NOX4: variants seen among roughly 807,000 people sequenced by gnomAD.
NOX4 encodes NADPH oxidase 4.
In NOX4, 69 loss-of-function variants were observed where a neutral mutation model predicts 87.6. That is an observed-to-expected ratio of 0.79 (90% CI 0.65 to 0.96). NOX4 has a LOEUF of 0.96. NOX4 is among the 40% of genes least tolerant of loss of function. The pLI is 0.00. For missense variants in NOX4, 680 were observed against 681.5 expected (o/e 1.00, Z 0.02); for synonymous variants, 275 against 238.2 (o/e 1.15, Z -1.42).
intron 12 of NOX4, among the ~76,000 whole-genome samples, chr11:89,372,318 G>C (rs1434167483): frequency 2.0e-5 from 3 of 151,816 alleles, no homozygotes; most frequent in African/African-American, 7.3e-5. Context: ...AAGTCCCTTG[G>C]TTACTCTAAT....
intron 13 of NOX4, among the ~76,000 whole-genome samples, chr11:89,346,563 G>A (rs1946223983): frequency 1.3e-5 from 1 of 74,692 alleles, no homozygotes; most frequent in Non-Finnish European, 2.3e-5. Context: ...ATGCAGGATG[G>A]GGTAACAAAG....
chr11:89,346,519 A>G (rs1250936337), intron 13 of NOX4, among the ~76,000 whole-genome samples: 1 of 150,184 alleles, frequency 6.7e-6, no homozygotes, highest in African/African-American at 2.5e-5. Context: ...CAAACATAAA[A>G]ACTAAAGAGT....
chr11:89,424,324 C>A (rs1186194378), intron 7 of NOX4, among the ~76,000 whole-genome samples: 2 of 150,374 alleles, frequency 1.3e-5, no homozygotes, highest in Non-Finnish European at 3.0e-5. Flanking sequence ...GGTGTTAACA[C>A]CAAATTTTTC....
the NOX4 span, among the ~76,000 whole-genome samples, chr11:89,573,869 C>T: frequency 1.3e-5 from 2 of 152,068 alleles, no homozygotes; most frequent in Non-Finnish European, 2.9e-5. Flanking sequence ...TGCGCAGTGC[C>T]CTCTTTACGC....
the NOX4 span, among the ~76,000 whole-genome samples, chr11:89,554,556 T>C: frequency 6.6e-6 from 1 of 152,118 alleles, no homozygotes; most frequent in Non-Finnish European, 1.5e-5. Flanking sequence ...TTTAGATATC[T>C]GTATCTAAAT....
the NOX4 span, among the ~76,000 whole-genome samples, chr11:89,556,624 C>T: frequency 1.3e-5 from 2 of 151,908 alleles, no homozygotes; most frequent in Non-Finnish European, 2.9e-5. Context: ...AGAAACATAC[C>T]CTAATTTGGG....
chr11:89,586,715 T>A, the NOX4 span, among the ~76,000 whole-genome samples: 5 of 152,258 alleles, frequency 3.3e-5, no homozygotes, highest in East Asian at 9.7e-4. Context: ...TAGGAGAGAA[T>A]GAACTTCCTT....
chr11:89,584,584 T>C, the NOX4 span, among the ~76,000 whole-genome samples: 1 of 152,180 alleles, frequency 6.6e-6, no homozygotes, highest in Non-Finnish European at 1.5e-5. Flanking sequence ...ACAGTTTGAA[T>C]GTCAGTTAAC....
In NOX4 at chr11:89,421,086, T is replaced by C. The variant is rs112445727; in HGVS notation, c.629+816A>G. On this transcript the variant is annotated intron_variant, in intron 8 of 17. Transcript: ENST00000263317. Reference sequence around the variant, plus strand: ...GGGGGTAAATGCTTCTGAGCAAATATAGGGATTTCTACTTAATAAGCACCT... The same window carrying C: ...GGGGGTAAATGCTTCTGAGCAAATACAGGGATTTCTACTTAATAAGCACCT... Among the ~76,000 whole-genome samples, 43 of 152,264 alleles carry C rather than the reference T, an allele frequency of 2.8e-4. 1 individual carries two copies. The highest frequency in any genetic ancestry group is 8.4e-4 in the African/African-American group (35 of 41,566).
the NOX4 span, among the ~76,000 whole-genome samples, chr11:89,528,417 A>G: frequency 5.9e-5 from 9 of 152,230 alleles, no homozygotes; most frequent in Non-Finnish European, 1.3e-4. Flanking sequence ...AGGAGGGGCC[A>G]GGAGCAGAAT....
At chr11:89,478,948 C>T (rs978400578) in intron 2 of NOX4, among the ~76,000 whole-genome samples, 3 of 151,440 alleles carry the variant, frequency 2.0e-5, no homozygotes, top group Non-Finnish European at 4.4e-5. Context: ...ATGATCATGC[C>T]TGTGAATAGC....
At chr11:89,475,758 G>A (rs1030196345) in intron 2 of NOX4, among the ~76,000 whole-genome samples, 10 of 151,874 alleles carry the variant, frequency 6.6e-5, no homozygotes, top group African/African-American at 2.2e-4. Context: ...AAATAAGAGG[G>A]GTTCCAAGTA....
the NOX4 span, among the ~76,000 whole-genome samples, chr11:89,555,085 T>A: frequency 6.6e-6 from 1 of 152,152 alleles, no homozygotes; most frequent in Non-Finnish European, 1.5e-5. Flanking sequence ...TTATAATAGT[T>A]TCCTGCCCCA....
chr11:89,491,398 G>A (rs536382639), upstream of NOX4: 60 of 685,112 alleles, frequency 8.8e-5, no homozygotes, highest in African/African-American at 7.3e-4. Context: ...GCCCGGCGCC[G>A]AGCCAGCCCG....
chr11:89,364,827 G>A (rs1938822336), intron 12 of NOX4, among the ~76,000 whole-genome samples: 1 of 152,050 alleles, frequency 6.6e-6, no homozygotes, highest in African/African-American at 2.4e-5. Context: ...ATAATGAACT[G>A]AGAAATTAGG....
At chr11:89,432,661 C>T (rs1027979777) in intron 7 of NOX4, 123 bp downstream of exon 7, 5 of 648,984 alleles carry the variant, frequency 7.7e-6, no homozygotes, top group South Asian at 4.1e-5. Flanking sequence ...CTATACTTCA[C>T]TCTTACTTAC....
At chr11:89,565,476 T>G in the NOX4 span, among the ~76,000 whole-genome samples, 1 of 152,070 alleles carries the variant, frequency 6.6e-6, no homozygotes, top group Non-Finnish European at 1.5e-5. Flanking sequence ...ACCTTATAAC[T>G]TTTTTCCTCT....
At chr11:89,331,878 T>G (rs1276301645) in intron 17 of NOX4, among the ~76,000 whole-genome samples, 1 of 151,886 alleles carries the variant, frequency 6.6e-6, no homozygotes, top group Admixed American at 6.6e-5. Flanking sequence ...GATTCCCTAA[T>G]GTCACTCTCA....
rs1419620929 is a variant in NOX4, at chr11:89,438,815, A to AT, written c.475+1872dup. Among the ~76,000 whole-genome samples the AT allele has an allele frequency of 7.4e-4, 3 of 4,060 alleles. No individual in the cohort carries two copies. The African/African-American group carries it at 8.7e-3, about 12-fold the overall frequency. 2.7% of individuals were successfully genotyped at this position (4,060 alleles called of 152,430 possible). On this transcript the variant is annotated intron_variant, in intron 6 of 17. Coordinates refer to ENST00000263317, the MANE Select transcript of NOX4 (RefSeq NM_016931.5). Reference sequence around the variant, plus strand: ...GTGTATAATATATTATATATTATATATATTATATAATATCTTATATATTAT... The same window carrying AT: ...GTGTATAATATATTATATATTATATATTATTATATAATATCTTATATATTAT...
Sources: allele counts gnomAD v4.1 joint callset (sites outside exome capture counted in the v4.1 genomes callset), GRCh38; gene constraint gnomAD v4.1.1; transcripts MANE v1.5; gene names NCBI Gene and HGNC (gene_info 2026-07-23, HGNC 2026-07-21).